The following DAG1 variants were observed in gnomAD, a reference collection of about 807,000 sequenced individuals.
DAG1 encodes the protein dystroglycan 1.
Under a neutral mutation model 46.1 loss-of-function variants are expected in DAG1, and 8 were observed. The observed-to-expected ratio is 0.17, with a 90% CI of 0.10 to 0.31. DAG1 has a LOEUF of 0.31. Among genes scored for constraint, DAG1 ranks in the 10% least tolerant of loss-of-function variants. DAG1 has a pLI of 1.00. For missense variants in DAG1, 1,003 were observed against 1,189.9 expected, an observed-to-expected ratio of 0.84 and a Z score of 2.31; for synonymous variants, 495 against 481.8, an observed-to-expected ratio of 1.03 and a Z score of -0.36.
intron 1 of DAG1, among the ~76,000 whole-genome samples, chr3:49,506,386 A>T (rs2050608234): frequency 6.6e-6 from 1 of 152,206 alleles, no homozygotes; most frequent in Non-Finnish European, 1.5e-5. Context: ...CTTAAGGATA[A>T]GTCACTCAGT....
At chr3:49,527,073 G>A (rs2051192296) in intron 2 of DAG1, among the ~76,000 whole-genome samples, 1 of 152,192 alleles carries the variant, frequency 6.6e-6, no homozygotes, top group Non-Finnish European at 1.5e-5. Context: ...TGAGAAGGCA[G>A]GGCCCTTCTC....
Position 49,531,526 on chromosome 3 carries a change from G to T in DAG1, c.1015G>T (p.Val339Leu). Residue 339 changes from valine (V) to leucine (L), a missense_variant, in exon 3 of 3, where the codon GTG (valine) becomes TTG (leucine). Coordinates refer to ENST00000308775, the MANE Select transcript of DAG1 (RefSeq NM_004393.6). This position sits in a 1 kb window ranked among gnomAD's most constrained non-coding sequence, Gnocchi z 7.0. ...TATCCAGGAGCCCCCATCCAGGATC[G>T]TGCCAACCCCCACATCTCCAGCCAT... ...TAIQEPPSRIVPTPTSPAIAP... is the reference protein window; with the variant it reads ...TAIQEPPSRILPTPTSPAIAP... The T allele has an allele frequency of 6.2e-7, 1 of 1,610,722 alleles. No homozygotes were observed. Among genetic ancestry groups the T allele is most frequent in the Non-Finnish European group, 8.5e-7 (1 of 1,177,412 alleles).
intron 1 of DAG1, among the ~76,000 whole-genome samples, chr3:49,479,086 C>T (rs7355800): frequency 0.24 from 36,053 of 151,584 alleles, 4,589 homozygotes; most frequent in Middle Eastern, 0.29. Context: ...GGATTACAGG[C>T]GTGAGGCATC....
chr3:49,496,736 C>T (rs1397935859), intron 1 of DAG1, among the ~76,000 whole-genome samples: 1 of 151,184 alleles, frequency 6.6e-6, no homozygotes, highest in African/African-American at 2.4e-5. Flanking sequence ...AAGCAGTTCT[C>T]CTGTGTCAGC....
chr3:49,471,814 C>T (rs1358194521), intron 1 of DAG1, among the ~76,000 whole-genome samples: 1 of 152,184 alleles, frequency 6.6e-6, no homozygotes, highest in African/African-American at 2.4e-5. Context: ...GTAAAAGAGT[C>T]TGCTTCTGCC....
intron 2 of DAG1, among the ~76,000 whole-genome samples, chr3:49,528,274 G>GTTT (rs1559575548): frequency 5.0e-5 from 3 of 60,324 alleles, no homozygotes; most frequent in Admixed American, 2.0e-4. Context: ...GAAATAGTGT[G>GTTT]ATTTTTTTTT....
intron 1 of DAG1, among the ~76,000 whole-genome samples, chr3:49,509,085 A>G (rs1425346850): frequency 1.3e-5 from 2 of 152,098 alleles, no homozygotes; most frequent in Non-Finnish European, 2.9e-5. Context: ...AAATTCCTCA[A>G]TTACCCCTTT....
At chr3:49,471,321 G>A (rs1439118455) in intron 1 of DAG1, among the ~76,000 whole-genome samples, 1 of 152,162 alleles carries the variant, frequency 6.6e-6, no homozygotes, top group Non-Finnish European at 1.5e-5. Context: ...GTGTTTATAG[G>A]ACATAATTCC....
chr3:49,514,113 G>A (rs1187740385), intron 2 of DAG1, among the ~76,000 whole-genome samples: 1 of 152,188 alleles, frequency 6.6e-6, no homozygotes, highest in Admixed American at 6.5e-5. Flanking sequence ...TAGCTGATGA[G>A]CTTGTAGAAA....
At position 49,532,448 on chromosome 3, in the gene DAG1, C is replaced by T. The variant is rs745546522; in HGVS notation, c.1937C>T (p.Thr646Ile). Residue 646 changes from threonine to isoleucine, a missense_variant, in exon 3 of 3, where the codon ACC becomes ATC. Around this residue, in one of 3 missense-constraint regions of DAG1, gnomAD observed 755 missense variants for 854.1 expected, o/e 0.88. Transcript: ENST00000308775. The surrounding 1 kb of genome is among the most constrained non-coding windows in gnomAD (Gnocchi z 5.4). ...AFGDRNCSTI[T>I]LQNITRGSIV... ...GGAGACCGAAACTGTAGCACCATCACCCTGCAGAATATCACCCGGGGCTCC... is the reference window on the plus strand; with the variant it reads ...GGAGACCGAAACTGTAGCACCATCATCCTGCAGAATATCACCCGGGGCTCC... The T allele has an allele frequency of 1.2e-5, 20 of 1,614,112 alleles. No individual in the cohort carries two copies. The highest frequency in any genetic ancestry group is 2.7e-5 in the African/African-American group (2 of 74,942).
Position 49,532,298 on chromosome 3 carries a change from A to G in DAG1, c.1787A>G (p.His596Arg), listed in dbSNP as rs1485267120. Residue 596 changes from histidine (H) to arginine (R), a missense_variant, in exon 3 of 3, where the codon CAC becomes CGC. Transcript: ENST00000308775. The surrounding 1 kb of genome is among the most constrained non-coding windows in gnomAD (Gnocchi z 5.4). ...GTGGATGCCTTCGAGATCCACGTCC[A>G]CAGGCGCCCCCAAGGGGATAGGGCT... ...SAVDAFEIHVHRRPQGDRAPA... is the reference protein window; with the variant it reads ...SAVDAFEIHVRRRPQGDRAPA... 2 of 1,614,040 alleles carry G rather than the reference A, an allele frequency of 1.2e-6. No individual in the cohort carries two copies. The highest frequency in any genetic ancestry group is 2.7e-5 in the African/African-American group (2 of 74,946).
chr3:49,492,277 G>A lies in DAG1; in HGVS notation c.-116-18142G>A, dbSNP rs1339837383. 2.6e-5 allele frequency among the ~76,000 whole-genome samples: 4 copies of A among 152,164 alleles called. No individual in the cohort carries two copies. The East Asian group carries it at 7.7e-4, about 29-fold the overall frequency. On this transcript the variant is annotated intron_variant, in intron 1 of 2. Coordinates refer to ENST00000308775, the MANE Select transcript of DAG1 (RefSeq NM_004393.6). ...AGAACTTTTGATTTAAGATTCACTG[G>A]ACAGATACATAACAATACATAAAAT...
intron 1 of DAG1, among the ~76,000 whole-genome samples, chr3:49,504,296 G>A (rs1378259093): frequency 6.6e-6 from 1 of 151,082 alleles, no homozygotes; most frequent in Non-Finnish European, 1.5e-5. Flanking sequence ...AAGATTGCTT[G>A]GAAATTCATC....
chr3:49,515,326 C>A (rs1335926365), intron 2 of DAG1, among the ~76,000 whole-genome samples: 2 of 148,904 alleles, frequency 1.3e-5, no homozygotes, highest in Non-Finnish European at 3.0e-5. Context: ...ATTTTTTTAC[C>A]TGTAGTCATT....
At chr3:49,472,764 G>A (rs2049560393) in intron 1 of DAG1, among the ~76,000 whole-genome samples, 1 of 151,836 alleles carries the variant, frequency 6.6e-6, no homozygotes, top group African/African-American at 2.4e-5. Context: ...TTGAGATAGA[G>A]CCACTGCACT....
At chr3:49,508,825 G>GC (rs1206065849) in intron 1 of DAG1, among the ~76,000 whole-genome samples, 1 of 152,148 alleles carries the variant, frequency 6.6e-6, no homozygotes, top group Non-Finnish European at 1.5e-5. Flanking sequence ...CACTGCACCC[G>GC]CCCGCCAGGC....
In DAG1 at chr3:49,532,540, C is replaced by T; in HGVS notation, c.2029C>T (p.Leu677=). 1 of 1,613,674 alleles carries T rather than the reference C, an allele frequency of 6.2e-7. No individual in the cohort carries two copies. Among genetic ancestry groups the T allele is most frequent in the Non-Finnish European group, 8.5e-7 (1 of 1,179,594 alleles). Residue 677 remains leucine (L), a synonymous_variant, in exon 3 of 3, where the codon CTG becomes TTG. Coordinates refer to ENST00000308775, the MANE Select transcript of DAG1 (RefSeq NM_004393.6). The surrounding 1 kb of genome is among the most constrained non-coding windows in gnomAD (Gnocchi z 5.4). ...CTGCCCCAAGGAGCAGATCGCTGGG[C>T]TGAGCCGCCGGATCGCTGAGGATGA... is the stretch of plus-strand genomic sequence containing the variant. ...EPCPKEQIAG[L]SRRIAEDDGK... is the part of the protein sequence containing the mutation.
At chr3:49,528,275 A>ATTGTTTTTTTTTT (rs2051239378) in intron 2 of DAG1, among the ~76,000 whole-genome samples, 1 of 66,660 alleles carries the variant, frequency 1.5e-5, no homozygotes, top group Non-Finnish European at 2.6e-5. Flanking sequence ...AAATAGTGTG[A>ATTGTTTTTTTTTT]TTTTTTTTTT....
chr3:49,506,185 G>T (rs569381042), intron 1 of DAG1, among the ~76,000 whole-genome samples: 68 of 152,142 alleles, frequency 4.5e-4, no homozygotes, highest in Admixed American at 1.4e-3. Flanking sequence ...CACCATGTTA[G>T]TCAGGCTGGT....
Sources: gnomAD v4.1 joint callset for allele counts (sites outside exome capture counted in the v4.1 genomes callset) on GRCh38, gnomAD v4.1.1 for gene constraint, gnomAD v4.1.1 regional missense constraint, Gnocchi (gnomAD v3.1) non-coding constraint, MANE v1.5 for transcripts, NCBI Gene and HGNC (gene_info 2026-07-23, HGNC 2026-07-21) for gene names.